The following RTKN2 variants were observed in gnomAD, a reference collection of about 807,000 sequenced individuals.
RTKN2 encodes the protein rhotekin-2.
RTKN2 carries 69 observed loss-of-function variants against 71.5 expected under a neutral mutation model. The observed-to-expected ratio is 0.96, with a 90% CI of 0.79 to 1.18. RTKN2 has a LOEUF of 1.18. Among genes scored for constraint, RTKN2 ranks in the 50% most tolerant of loss-of-function variants. RTKN2 has a pLI of 0.00. For synonymous variants in RTKN2, 236 were observed against 236.5 expected (o/e 1.00, Z 0.02); for missense variants, 724 against 719.7 (o/e 1.01, Z -0.07).
At chr10:62,185,720 CG>C (rs1841125350) in intron 8 of RTKN2, among the ~76,000 whole-genome samples, 1 of 152,186 alleles carries the variant, frequency 6.6e-6, no homozygotes, top group Admixed American at 6.5e-5. Flanking sequence ...GGAAGAGACC[CG>C]GTTAACCTGA....
chr10:62,217,201 G>T lies in RTKN2; in HGVS notation c.937C>A (p.Arg313=), dbSNP rs535516668. The change falls in exon 9 of 12, where the codon CGA becomes AGA. Residue 313 remains arginine (R), a synonymous_variant. Coordinates refer to ENST00000373789, the MANE Select transcript of RTKN2 (RefSeq NM_145307.4). ...ISWRRLYCVL[R]GGKLYCFYSP... The stretch of plus-strand genomic sequence containing the variant: ...TAAAAACAATAGAGTTTACCTCCTC[G>T]CAAAACACAATACAACCTTCTCCAA... 6 of 1,592,650 alleles carry T rather than the reference G, an allele frequency of 3.8e-6. No homozygotes were observed. The African/African-American group carries it at 5.5e-5, about 15-fold the overall frequency.
At chr10:62,217,029 A>T in intron 9 of RTKN2, 89 bp downstream of exon 9, 1 of 960,818 alleles carries the variant, frequency 1.0e-6, no homozygotes, top group Non-Finnish European at 1.5e-6. Context: ...CTTCTCTTTT[A>T]TTTATAAGAC....
intron 6 of RTKN2, among the ~76,000 whole-genome samples, chr10:62,234,837 T>C (rs1002019148): frequency 6.6e-6 from 1 of 152,158 alleles, no homozygotes; most frequent in Non-Finnish European, 1.5e-5. Context: ...AACTTTATAT[T>C]GGATGGGTTA....
chr10:62,192,119 G>A (rs898911365), downstream of RTKN2, among the ~76,000 whole-genome samples: 3 of 150,376 alleles, frequency 2.0e-5, no homozygotes, highest in African/African-American at 7.3e-5. Context: ...AAATCATATA[G>A]CTAAGTCATG....
chr10:62,228,455 G>A (rs1842077058), intron 6 of RTKN2, among the ~76,000 whole-genome samples: 1 of 152,186 alleles, frequency 6.6e-6, no homozygotes, highest in Non-Finnish European at 1.5e-5. Flanking sequence ...TCTGTAGGAT[G>A]GGATGGAGGT....
In RTKN2 at chr10:62,193,365, ATCTTT is replaced by A; in HGVS notation, c.*4538_*4542del. 1 of 981,312 alleles carries A rather than the reference ATCTTT, an allele frequency of 1.0e-6. No homozygotes were observed. The highest frequency in any genetic ancestry group is 1.2e-6 in the Non-Finnish European group (1 of 826,188). The allele number at this position is 981,312 out of a possible 1,614,324, so 60.8% of individuals were successfully genotyped here. A position where few individuals can be genotyped will look rare whatever the true frequency, so the allele number is the denominator to read the frequency against. On this transcript the variant is annotated 3_prime_UTR_variant, in exon 12 of 12. Coordinates refer to ENST00000373789, the MANE Select transcript of RTKN2 (RefSeq NM_145307.4). ...ACAATTTTCCATAAGATCTGGAATG[ATCTTT>A]TCTAATTATTAAACGTGTCAGCATT...
chr10:62,204,798 G>A lies in RTKN2; in HGVS notation c.1186+59C>T, dbSNP rs1486135501. 24 of 1,294,298 alleles carry A rather than the reference G, an allele frequency of 1.9e-5. No homozygotes were observed. In the South Asian group the frequency reaches 2.0e-4, roughly 11 times the overall value. 80.2% of individuals were successfully genotyped at this position (1,294,298 alleles called of 1,614,324 possible). A position where few individuals can be genotyped will look rare whatever the true frequency, so the allele number is the denominator to read the frequency against. Reference sequence around the variant, plus strand: ...CTAAGATTACAATTTTAAGATTGCTGTGCACATCCTTTTAGGCTACATAAA... The same window carrying A: ...CTAAGATTACAATTTTAAGATTGCTATGCACATCCTTTTAGGCTACATAAA... On this transcript the variant is annotated intron_variant, in intron 10 of 11. Coordinates refer to ENST00000373789, the MANE Select transcript of RTKN2 (RefSeq NM_145307.4).
intron 6 of RTKN2, among the ~76,000 whole-genome samples, chr10:62,233,642 G>C (rs1842197086): frequency 6.6e-6 from 1 of 152,006 alleles, no homozygotes; most frequent in Admixed American, 6.6e-5. Flanking sequence ...TAAGGGTTAA[G>C]AATTACTTCA....
rs1473970018 is a variant in RTKN2 at position 62,217,098 on chromosome 10, C to T, written c.1020+20G>A. 2.0e-6 allele frequency: 3 copies of T among 1,538,418 alleles called. No individual in the cohort carries two copies. The South Asian group carries it at 3.9e-5, about 20-fold the overall frequency. On this transcript the variant is annotated intron_variant, in intron 9 of 11. Coordinates refer to ENST00000373789, the MANE Select transcript of RTKN2 (RefSeq NM_145307.4). Reference sequence around the variant, plus strand: ...CTTCCTAAGATGTATATTTTTTTCTCAAAATAGCATTTCCTTTACCTTGTT... The same window carrying T: ...CTTCCTAAGATGTATATTTTTTTCTTAAAATAGCATTTCCTTTACCTTGTT...
chr10:62,193,304 A>G lies in RTKN2; in HGVS notation c.*4604T>C. 1 of 977,620 alleles carries G rather than the reference A, an allele frequency of 1.0e-6. No individual in the cohort carries two copies. The highest frequency in any genetic ancestry group is 1.7e-5 in the African/African-American group (1 of 57,218). 60.6% of individuals were successfully genotyped at this position (977,620 alleles called of 1,614,324 possible). A position where few individuals can be genotyped will look rare whatever the true frequency, so the allele number is the denominator to read the frequency against. ...CCTTTAGTAGTTACATTAAGAGATT[A>G]CCATGTCTCAAGAGCAAACTGCTGG... is the stretch of plus-strand genomic sequence containing the variant. On this transcript the variant is annotated 3_prime_UTR_variant, in exon 12 of 12. Coordinates refer to ENST00000373789, the MANE Select transcript of RTKN2 (RefSeq NM_145307.4).
intron 6 of RTKN2, among the ~76,000 whole-genome samples, chr10:62,231,935 G>A (rs760077588): frequency 9.2e-5 from 14 of 152,292 alleles, no homozygotes; most frequent in South Asian, 6.2e-4. Context: ...GTCAGTTAAG[G>A]AAGCATCAGG....
chr10:62,211,853 A>G (rs1841665630), intron 9 of RTKN2, among the ~76,000 whole-genome samples: 1 of 151,930 alleles, frequency 6.6e-6, no homozygotes, highest in African/African-American at 2.4e-5. Context: ...TTTAGTAGAG[A>G]TGAGGTTTCA....
chr10:62,252,795 G>A (rs3852405), intron 2 of RTKN2, among the ~76,000 whole-genome samples: 111,349 of 151,910 alleles, frequency 0.73, 41,080 homozygotes, highest in East Asian at 0.9. Flanking sequence ...TAGTTGGCTC[G>A]TGGAGCTAAG....
intron 2 of RTKN2, among the ~76,000 whole-genome samples, chr10:62,252,449 T>C (rs763276278): frequency 4.6e-5 from 7 of 152,080 alleles, no homozygotes; most frequent in Non-Finnish European, 8.8e-5. Context: ...GCTGATGAAC[T>C]TCTTCCAAAA....
At chr10:62,261,770 C>T (rs1307464052) in intron 2 of RTKN2, among the ~76,000 whole-genome samples, 4 of 152,292 alleles carry the variant, frequency 2.6e-5, no homozygotes, top group Admixed American at 2.6e-4. Context: ...TTACAGAAAT[C>T]TCAGACTCTG....
At chr10:62,249,135 C>G (rs771137024) in intron 2 of RTKN2, among the ~76,000 whole-genome samples, 1 of 152,088 alleles carries the variant, frequency 6.6e-6, no homozygotes, top group East Asian at 1.9e-4. Flanking sequence ...CCAACCTATA[C>G]GTTTTCTTTT....
At chr10:62,187,568 C>T (rs1312733915) in intron 8 of RTKN2, among the ~76,000 whole-genome samples, 1 of 152,154 alleles carries the variant, frequency 6.6e-6, no homozygotes, top group African/African-American at 2.4e-5. Context: ...AAAAGAGCTG[C>T]TAGGCAAGAA....
chr10:62,240,366 C>T (rs1842349946), intron 4 of RTKN2, among the ~76,000 whole-genome samples: 1 of 152,016 alleles, frequency 6.6e-6, no homozygotes, highest in Admixed American at 6.5e-5. Flanking sequence ...AGGCTAAATC[C>T]TCATTATTGA....
chr10:62,219,675 G>GT (rs1006049627), intron 7 of RTKN2, among the ~76,000 whole-genome samples: 2 of 152,056 alleles, frequency 1.3e-5, no homozygotes, highest in African/African-American at 4.8e-5. Context: ...TAAGCTGAGT[G>GT]TGGTGGTGTC....
Sources: allele counts gnomAD v4.1 joint callset (sites outside exome capture counted in the v4.1 genomes callset), GRCh38; gene constraint gnomAD v4.1.1; transcripts MANE v1.5; gene names NCBI Gene and HGNC (gene_info 2026-07-23, HGNC 2026-07-21).